The following SAA4 variants were observed in gnomAD, a reference collection of about 807,000 sequenced individuals.
The protein encoded by SAA4 is serum amyloid A4, constitutive, also known as serum amyloid A-4 protein.
Under a neutral mutation model 11.2 loss-of-function variants are expected in SAA4, and 8 were observed. The observed-to-expected ratio is 0.71, with a 90% CI of 0.42 to 1.29. The LOEUF is 1.29. SAA4 is among the 50% of genes most tolerant of loss of function. The pLI, the probability that SAA4 is intolerant of heterozygous loss-of-function variation, is 0.01. For missense variants in SAA4, 171 were observed against 164.2 expected (o/e 1.04, Z -0.23); for synonymous variants, 60 against 56.2 (o/e 1.07, Z -0.30).
At position 18,235,901 on chromosome 11, in the gene SAA4, A is replaced by G; in HGVS notation, c.26T>C (p.Phe9Ser). Reference protein sequence around the residue: MRLFTGIVFCSLVMGVTSE... With the variant: MRLFTGIVSCSLVMGVTSE... ...GGTGACTCCCATGACCAAGGAGCAG[A>G]AAACAATGCCTGTGAAAAGCCTCAT... The change falls in exon 2 of 4, where the codon TTC becomes TCC. Residue 9 changes from phenylalanine to serine, a missense_variant. Transcript: ENST00000278222. 1 of 1,613,724 alleles carries G rather than the reference A, an allele frequency of 6.2e-7. No individual in the cohort carries two copies. The highest frequency in any genetic ancestry group is 8.5e-7 in the Non-Finnish European group (1 of 1,179,784).
Position 18,231,411 on chromosome 11 carries a change from G to T in SAA4, c.*91C>A, listed in dbSNP as rs1857131625. On this transcript the variant is annotated 3_prime_UTR_variant, in exon 4 of 4. Transcript: ENST00000278222. ...TAGGTGCCCTATACCAGTTCCTGGG[G>T]ACACAAAGCTCAGTGACCCTGTGTC... is the stretch of plus-strand genomic sequence containing the variant. 3.9e-6 allele frequency: 6 copies of T among 1,532,768 alleles called. No homozygotes were observed. The highest frequency in any genetic ancestry group is 4.9e-4 in the Middle Eastern group (2 of 4,046). 94.9% of individuals were successfully genotyped at this position (1,532,768 alleles called of 1,614,324 possible).
At position 18,236,798 on chromosome 11, in the gene SAA4, C is replaced by CT. The variant is rs1275069951; in HGVS notation, c.-87dup. ...GGCCGTGGAGCTATAGTTGGTACCT[C>CT]TGCTGGCTTTGGCATTAATGGGAGA... On this transcript the variant is annotated 5_prime_UTR_variant, in exon 1 of 4. Coordinates refer to ENST00000278222, the MANE Select transcript of SAA4 (RefSeq NM_006512.4). 1 of 152,244 alleles carries CT rather than the reference C, an allele frequency of 6.6e-6. No homozygotes were observed. The highest frequency in any genetic ancestry group is 2.4e-5 in the African/African-American group (1 of 41,460). The allele number at this position is 152,244 out of a possible 1,614,324, so 9.4% of individuals were successfully genotyped here.
At chr11:18,234,081 T>C (rs1248803125) in intron 2 of SAA4, among the ~76,000 whole-genome samples, 2 of 152,192 alleles carry the variant, frequency 1.3e-5, no homozygotes, top group East Asian at 3.8e-4. Context: ...TACAATGGAA[T>C]ACTATGTAGC....
intron 2 of SAA4, among the ~76,000 whole-genome samples, chr11:18,233,958 T>C (rs1355259072): frequency 6.6e-6 from 1 of 152,180 alleles, no homozygotes; most frequent in Non-Finnish European, 1.5e-5. Flanking sequence ...AACGAGGGCT[T>C]ATGTACACTA....
Position 18,235,893 on chromosome 11 carries a change from A to G in SAA4, c.34T>C (p.Leu12=). The G allele has an allele frequency of 6.2e-7, 1 of 1,613,734 alleles. No individual in the cohort carries two copies. The highest frequency in any genetic ancestry group is 8.5e-7 in the Non-Finnish European group (1 of 1,179,802). The change falls in exon 2 of 4, where the codon TTG becomes CTG. Residue 12 remains leucine, a synonymous_variant. Transcript: ENST00000278222. The part of the protein sequence containing the change: ...RLFTGIVFCS[L]VMGVTSESWR... ...CTTTCACTGGTGACTCCCATGACCA[A>G]GGAGCAGAAAACAATGCCTGTGAAA...
intron 2 of SAA4, among the ~76,000 whole-genome samples, chr11:18,233,288 C>T (rs1224949607): frequency 6.6e-6 from 1 of 152,160 alleles, no homozygotes; most frequent in African/African-American, 2.4e-5. Flanking sequence ...ATACCTACCT[C>T]CCTGGTGGAC....
rs1857219636 is a variant in SAA4, at chr11:18,236,716, C to T, written c.-5+1G>A. 1 of 152,196 alleles carries T rather than the reference C, an allele frequency of 6.6e-6. No individual in the cohort carries two copies. The highest frequency in any genetic ancestry group is 2.4e-5 in the African/African-American group (1 of 41,446). 9.4% of individuals were successfully genotyped at this position (152,196 alleles called of 1,614,324 possible). A position where few individuals can be genotyped will look rare whatever the true frequency, so the allele number is the denominator to read the frequency against. ...AAATTACTCCTTGGAAGAAACCTCA[C>T]CTGTGGACCTTTCTCCAGATGAAAT... On this transcript the variant is annotated splice_donor_variant, in intron 1 of 3. Coordinates refer to ENST00000278222, the MANE Select transcript of SAA4 (RefSeq NM_006512.4). LOFTEE classifies it low-confidence loss of function (5UTR_SPLICE).
intron 2 of SAA4, among the ~76,000 whole-genome samples, chr11:18,233,678 A>ATTT (rs34631292): frequency 5.7e-5 from 8 of 140,686 alleles, no homozygotes; most frequent in African/African-American, 1.8e-4. Flanking sequence ...CACCCAGCTA[A>ATTT]TTTTTTTTTT....
chr11:18,234,112 T>G (rs1163821325), intron 2 of SAA4, among the ~76,000 whole-genome samples: 3 of 152,300 alleles, frequency 2.0e-5, no homozygotes. Flanking sequence ...AACAAAATAT[T>G]AATACACATG....
intron 3 of SAA4, among the ~76,000 whole-genome samples, chr11:18,231,876 C>CTT (rs35974284): frequency 2.4e-3 from 172 of 70,678 alleles, no homozygotes; most frequent in Middle Eastern, 0.02. Context: ...AGTGCTTTCC[C>CTT]TTTTTTTTTT....
At chr11:18,236,222 ATT>A (rs36090595) in intron 1 of SAA4, among the ~76,000 whole-genome samples, 6 of 129,550 alleles carry the variant, frequency 4.6e-5, no homozygotes, top group Admixed American at 7.9e-5. Context: ...CACTCAGCTA[ATT>A]TTTTTTTTTT....
At position 18,232,552 on chromosome 11, in the gene SAA4, A is replaced by G; in HGVS notation, c.92-19T>C. The stretch of plus-strand genomic sequence containing the variant: ...CCAACCCCTGGAAAGAAAAAAAATG[A>G]CAAAAATGAACCCAGTGACATACTG... On this transcript the variant is annotated intron_variant, in intron 2 of 3. Coordinates refer to ENST00000278222, the MANE Select transcript of SAA4 (RefSeq NM_006512.4). 1 of 1,606,776 alleles carries G rather than the reference A, an allele frequency of 6.2e-7. No individual in the cohort carries two copies. The highest frequency in any genetic ancestry group is 8.5e-7 in the Non-Finnish European group (1 of 1,176,088).
intron 2 of SAA4, 136 bp from the exon 3 acceptor site, chr11:18,232,669 A>G (rs1452563208): frequency 7.6e-7 from 1 of 1,307,320 alleles, no homozygotes; most frequent in African/African-American, 1.5e-5. Flanking sequence ...GATAAACATT[A>G]CTTCCTGTGA....
At chr11:18,233,791 G>C (rs80191573) in intron 2 of SAA4, among the ~76,000 whole-genome samples, 1 of 151,624 alleles carries the variant, frequency 6.6e-6, no homozygotes, top group Non-Finnish European at 1.5e-5. Flanking sequence ...CTGGGATTAC[G>C]AGTGTGAGTC....
intron 2 of SAA4, among the ~76,000 whole-genome samples, chr11:18,235,313 C>T (rs1278922698): frequency 4.6e-5 from 7 of 151,984 alleles, no homozygotes; most frequent in South Asian, 4.2e-4. Flanking sequence ...GTTTCCCAGC[C>T]GTATCTCAGC....
At chr11:18,236,213 A>T (rs1218668076) in intron 1 of SAA4, among the ~76,000 whole-genome samples, 3 of 138,524 alleles carry the variant, frequency 2.2e-5, no homozygotes, top group African/African-American at 5.3e-5. Flanking sequence ...GCACCATCAC[A>T]CTCAGCTAAT....
chr11:18,232,667 T>C (rs910801665), intron 2 of SAA4, 134 bp from the exon 3 acceptor site: 2 of 1,317,906 alleles, frequency 1.5e-6, no homozygotes, highest in Non-Finnish European at 2.1e-6. Context: ...GAGATAAACA[T>C]TACTTCCTGT....
At chr11:18,236,539 C>A (rs930493860) in intron 1 of SAA4, among the ~76,000 whole-genome samples, 178 bp downstream of exon 1, 1 of 152,126 alleles carries the variant, frequency 6.6e-6, no homozygotes, top group African/African-American at 2.4e-5. Flanking sequence ...AATTTGTCAC[C>A]CAATACAGCA....
At chr11:18,235,079 C>T (rs1423318567) in intron 2 of SAA4, among the ~76,000 whole-genome samples, 1 of 151,974 alleles carries the variant, frequency 6.6e-6, no homozygotes, top group African/African-American at 2.4e-5. Flanking sequence ...GTACATGCTA[C>T]CAAAACTTTT....
Sources: gnomAD v4.1 joint callset for allele counts (sites outside exome capture counted in the v4.1 genomes callset) on GRCh38, gnomAD v4.1.1 for gene constraint, MANE v1.5 for transcripts, NCBI Gene and HGNC (gene_info 2026-07-23, HGNC 2026-07-21) for gene names.